Variants in PLCG1 observed in about 807,000 individuals in gnomAD.
PLCG1 encodes the protein 1-phosphatidylinositol 4,5-bisphosphate phosphodiesterase gamma-1.
In PLCG1, 71 loss-of-function variants were observed where a neutral mutation model predicts 177.8. The ratio of observed to expected loss-of-function variants is 0.40; its 90% confidence interval spans 0.33 to 0.49. The LOEUF (loss-of-function observed/expected upper bound fraction) is 0.49, where lower values mean the gene tolerates loss of function less well. Among genes scored for constraint, PLCG1 ranks in the 20% least tolerant of loss-of-function variants. The probability of loss-of-function intolerance (pLI) is 0.72; values close to 1 mark genes in which losing one functional copy is unlikely to be tolerated. For synonymous variants in PLCG1, 658 were observed against 647.9 expected, an observed-to-expected ratio of 1.02 and a Z score of -0.24; for missense variants, 1,281 against 1,709.0, an observed-to-expected ratio of 0.75 and a Z score of 4.42.
chr20:41,140,941 C>T (rs111399735), intron 1 of PLCG1, among the ~76,000 whole-genome samples: 10 of 152,324 alleles, frequency 6.6e-5, no homozygotes, highest in African/African-American at 2.2e-4. Flanking sequence ...GGCTGACTAG[C>T]AACCCCAAGC....
rs766900414 is a variant in PLCG1, at chr20:41,173,411, T to C, written c.3280-9T>C. 1.3e-5 allele frequency: 21 copies of C among 1,577,146 alleles called. No homozygotes were observed. The highest frequency in any genetic ancestry group is 1.7e-5 in the Non-Finnish European group (20 of 1,160,694). ...GGACAATCCCAGGCCCTTCTTTGTCTGCCTACAGGTGCTGGGGGCCCGACA... is the reference window on the plus strand; with the variant it reads ...GGACAATCCCAGGCCCTTCTTTGTCCGCCTACAGGTGCTGGGGGCCCGACA... On this transcript the variant is annotated splice_polypyrimidine_tract_variant and intron_variant, in intron 27 of 31. Coordinates refer to ENST00000685551, the MANE Select transcript of PLCG1 (RefSeq NM_002660.3). This position sits in a 1 kb window ranked among gnomAD's most constrained non-coding sequence, Gnocchi z 6.2.
rs1009230292 is a variant in PLCG1, at chr20:41,153,890, C to T, written c.218-5716C>T. Among the ~76,000 whole-genome samples the T allele has an allele frequency of 6.6e-6, 1 of 152,144 alleles. No individual in the cohort carries two copies. The highest frequency in any genetic ancestry group is 2.4e-5 in the African/African-American group (1 of 41,418). ...CAGCCTGGGCAACAGAGCGAGACAC[C>T]CAGACCCAGAGAAATATTTCAGTGA... On this transcript the variant is annotated intron_variant, in intron 1 of 31. Coordinates refer to ENST00000685551, the MANE Select transcript of PLCG1 (RefSeq NM_002660.3). This position sits in a 1 kb window ranked among gnomAD's most constrained non-coding sequence, Gnocchi z 5.1.
Position 41,166,516 on chromosome 20 carries a change from A to T in PLCG1, c.2041A>T (p.Met681Leu), listed in dbSNP as rs1568750067. The change falls in exon 18 of 32, where the codon ATG becomes TTG. Residue 681 changes from methionine (M) to leucine (L), a missense_variant. By Grantham distance (15) the Met-to-Leu change is conservative. Around this residue, in one of 4 missense-constraint regions of PLCG1, gnomAD observed 723 missense variants for 1,030.0 expected, o/e 0.70. Transcript: ENST00000685551. The surrounding 1 kb of genome is among the most constrained non-coding windows in gnomAD (Gnocchi z 8.6). ...ASLTRAQAEH[M>L]LMRVPRDGAF... The stretch of plus-strand genomic sequence containing the variant: ...CCTGACCAGAGCACAGGCTGAGCAC[A>T]TGCTAATGCGCGTCCCTCGTGATGG... 6.2e-7 allele frequency: 1 copy of T among 1,614,016 alleles called. No homozygotes were observed. Among genetic ancestry groups the T allele is most frequent in the Admixed American group, 1.7e-5 (1 of 60,014 alleles).
chr20:41,160,778 A>G lies in PLCG1; in HGVS notation c.512+625A>G, dbSNP rs571706762. Among the ~76,000 whole-genome samples, 1 of 152,344 alleles carries G rather than the reference A, an allele frequency of 6.6e-6. No individual in the cohort carries two copies. Among genetic ancestry groups the G allele is most frequent in the South Asian group, 2.1e-4 (1 of 4,824 alleles). On this transcript the variant is annotated intron_variant, in intron 4 of 31. Transcript: ENST00000685551. The surrounding 1 kb of genome is among the most constrained non-coding windows in gnomAD (Gnocchi z 5.5). ...CATGTTGTATTTTGAAGATAGCGCC[A>G]GAAAGAATGTCCTTAACAGATTGAT... is the stretch of plus-strand genomic sequence containing the variant.
chr20:41,169,636 C>A, intron 23 of PLCG1, 110 bp downstream of exon 23: 1 of 844,208 alleles, frequency 1.2e-6, no homozygotes, highest in Non-Finnish European at 2.0e-6. Context: ...CAAAGTCTGC[C>A]CTCACTCCAA....
At position 41,162,235 on chromosome 20, in the gene PLCG1, G is replaced by GTTTTTTTTTTTTTTTTT. The variant is rs11426520; in HGVS notation, c.513-213_513-197dup. The GTTTTTTTTTTTTTTTTT allele has an allele frequency of 3.1e-4, 44 of 143,642 alleles. 2 individuals are homozygous for GTTTTTTTTTTTTTTTTT. Among genetic ancestry groups the GTTTTTTTTTTTTTTTTT allele is most frequent in the East Asian group, 1.0e-3 (5 of 4,810 alleles). The allele number at this position is 143,642 out of a possible 1,614,324, so 8.9% of individuals were successfully genotyped here. The stretch of plus-strand genomic sequence containing the variant: ...GGTTTTTTTTGTTTGTTTTGTTTTT[G>GTTTTTTTTTTTTTTTTT]TTTTTTTTTTTTTTTTTTTTGCTCA... On this transcript the variant is annotated intron_variant, in intron 4 of 31. Transcript: ENST00000685551.
At chr20:41,138,621 GC>G (rs2034699800) in intron 1 of PLCG1, among the ~76,000 whole-genome samples, 1 of 152,030 alleles carries the variant, frequency 6.6e-6, no homozygotes, top group Non-Finnish European at 1.5e-5. Context: ...ATAAAGGCCT[GC>G]CCCAGCGCCT....
chr20:41,137,567 A>AGCCTC lies in PLCG1; in HGVS notation c.-75_-74insGCCTC, dbSNP rs2034636650. On this transcript the variant is annotated 5_prime_UTR_variant, in exon 1 of 32. Transcript: ENST00000685551. The surrounding 1 kb of genome is among the most constrained non-coding windows in gnomAD (Gnocchi z 7.3). Reference sequence around the variant, plus strand: ...CGTCTGCCGCCTCAGCCTCAGCCCCAACCTCAGCCGCCGCCGTTGCGCTTG... The same window carrying AGCCTC: ...CGTCTGCCGCCTCAGCCTCAGCCCCAGCCTCACCTCAGCCGCCGCCGTTGCGCTTG... 5 of 907,552 alleles carry AGCCTC rather than the reference A, an allele frequency of 5.5e-6. No individual in the cohort carries two copies. The highest frequency in any genetic ancestry group is 8.9e-5 in the Admixed American group (2 of 22,466). 56.2% of individuals were successfully genotyped at this position (907,552 alleles called of 1,614,324 possible).
In PLCG1 at chr20:41,174,499, A is replaced by C. The variant is rs1458010026; in HGVS notation, c.3866A>C (p.Asn1289Thr). 1 of 1,582,034 alleles carries C rather than the reference A, an allele frequency of 6.3e-7. No individual in the cohort carries two copies. The highest frequency in any genetic ancestry group is 1.1e-5 in the South Asian group (1 of 87,382). Residue 1289 changes from asparagine to threonine, a missense_variant, in exon 32 of 32, where the codon AAC becomes ACC. Transcript: ENST00000685551. The surrounding 1 kb of genome is among the most constrained non-coding windows in gnomAD (Gnocchi z 5.8). ...APRRTRVNGD[N>T]RL ...AGAAGGACTCGGGTCAATGGAGACAACCGCCTCTAGTTGTACCCCAGCCTC... is the reference window on the plus strand; with the variant it reads ...AGAAGGACTCGGGTCAATGGAGACACCCGCCTCTAGTTGTACCCCAGCCTC...
At position 41,164,223 on chromosome 20, in the gene PLCG1, C is replaced by T. The variant is rs777964278; in HGVS notation, c.1217+22C>T. The T allele has an allele frequency of 2.5e-6, 4 of 1,613,322 alleles. No homozygotes were observed. The South Asian group carries it at 4.4e-5, about 18-fold the overall frequency. On this transcript the variant is annotated intron_variant, in intron 12 of 31. Coordinates refer to ENST00000685551, the MANE Select transcript of PLCG1 (RefSeq NM_002660.3). The surrounding 1 kb of genome is among the most constrained non-coding windows in gnomAD (Gnocchi z 6.4). Reference sequence around the variant, plus strand: ...CAGAGTGAGTCGGAGGCTGGATGACCCAGGGGTTAACTTGGCTCCAGGTCT... The same window carrying T: ...CAGAGTGAGTCGGAGGCTGGATGACTCAGGGGTTAACTTGGCTCCAGGTCT...
At position 41,173,047 on chromosome 20, in the gene PLCG1, G is replaced by A. The variant is rs77837298; in HGVS notation, c.3279+170G>A. Among the ~76,000 whole-genome samples, 552 of 152,304 alleles carry A rather than the reference G, an allele frequency of 3.6e-3. 5 individuals are homozygous for A. Among genetic ancestry groups the A allele is most frequent in the African/African-American group, 0.013 (528 of 41,552 alleles). On this transcript the variant is annotated intron_variant, in intron 27 of 31. Transcript: ENST00000685551. The surrounding 1 kb of genome is among the most constrained non-coding windows in gnomAD (Gnocchi z 6.2). Reference sequence around the variant, plus strand: ...TGAAGATAGCATGCAGTCACTGTATGCATCTAGGACGTGCAGAGCCATGGT... The same window carrying A: ...TGAAGATAGCATGCAGTCACTGTATACATCTAGGACGTGCAGAGCCATGGT...
chr20:41,145,724 G>T (rs1446347465), intron 1 of PLCG1, among the ~76,000 whole-genome samples: 1 of 152,176 alleles, frequency 6.6e-6, no homozygotes, highest in Non-Finnish European at 1.5e-5. Flanking sequence ...TGTGAGAAGG[G>T]GTTGGTCCCC....
At position 41,177,233 on chromosome 20, in the gene PLCG1, C is replaced by G. The variant is rs1233724832; in HGVS notation, c.*2724C>G. 1 of 152,224 alleles carries G rather than the reference C, an allele frequency of 6.6e-6. No individual in the cohort carries two copies. The highest frequency in any genetic ancestry group is 2.4e-5 in the African/African-American group (1 of 41,456). The allele number at this position is 152,224 out of a possible 1,614,324, so 9.4% of individuals were successfully genotyped here. A position where few individuals can be genotyped will look rare whatever the true frequency, so the allele number is the denominator to read the frequency against. ...GTAGACTGGGTTCAAAGTGACAGAC[C>G]TTTCACTTTCAACAGCTTTGGCTCA... On this transcript the variant is annotated 3_prime_UTR_variant, in exon 32 of 32. Coordinates refer to ENST00000685551, the MANE Select transcript of PLCG1 (RefSeq NM_002660.3).
rs1325917136 is a variant in PLCG1, at chr20:41,163,103, A to C, written c.717-100A>C. 6.7e-7 allele frequency: 1 copy of C among 1,496,542 alleles called. No homozygotes were observed. Among genetic ancestry groups the C allele is most frequent in the Non-Finnish European group, 9.3e-7 (1 of 1,077,690 alleles). 92.7% of individuals were successfully genotyped at this position (1,496,542 alleles called of 1,614,324 possible). A position where few individuals can be genotyped will look rare whatever the true frequency, so the allele number is the denominator to read the frequency against. ...TGGGAGTAGGGAACCATGCTGGACC[A>C]TTCTGGGAAGCTGTGCTGGCTGGGA... On this transcript the variant is annotated intron_variant, in intron 7 of 31. Transcript: ENST00000685551. This position sits in a 1 kb window ranked among gnomAD's most constrained non-coding sequence, Gnocchi z 5.2.
rs1427683177 is a variant in PLCG1, at chr20:41,150,949, T to C, written c.218-8657T>C. 6.6e-6 allele frequency among the ~76,000 whole-genome samples: 1 copy of C among 152,226 alleles called. No homozygotes were observed. Among genetic ancestry groups the C allele is most frequent in the Non-Finnish European group, 1.5e-5 (1 of 68,024 alleles). ...CAAAGGCAGGAACTCAAATGCCTTA[T>C]TGATCTCTGTTTCCCTAGGACCCAG... On this transcript the variant is annotated intron_variant, in intron 1 of 31. Transcript: ENST00000685551. The surrounding 1 kb of genome is among the most constrained non-coding windows in gnomAD (Gnocchi z 4.0).
chr20:41,165,365 C>T lies in PLCG1; in HGVS notation c.1507C>T (p.His503Tyr), dbSNP rs868442604. 2 of 1,614,044 alleles carry T rather than the reference C, an allele frequency of 1.2e-6. No homozygotes were observed. Among genetic ancestry groups the T allele is most frequent in the Admixed American group, 1.7e-5 (1 of 60,010 alleles). The stretch of plus-strand genomic sequence containing the variant: ...CCTCTACCTGGAGGACCCTGTGAAC[C>T]ACGTGAGGACTGGGCCAGGCTGGGG... ...GILYLEDPVN[H>Y]EWYPHYFVLT... Residue 503 changes from histidine (H) to tyrosine (Y), a missense_variant and splice_region_variant, in exon 14 of 32, where the codon CAC (histidine) becomes TAC (tyrosine). His to Tyr is a moderately conservative substitution (Grantham distance 83, BLOSUM62 2). Coordinates refer to ENST00000685551, the MANE Select transcript of PLCG1 (RefSeq NM_002660.3). The surrounding 1 kb of genome is among the most constrained non-coding windows in gnomAD (Gnocchi z 6.6).
rs1302189548 is a variant in PLCG1 at position 41,137,956 on chromosome 20, G to A, written c.217+98G>A. ...CCCGGCCGGCCGCCCCAGCGACTTG[G>A]GCAAACTTTCGGGCCCTCCCAGACT... On this transcript the variant is annotated intron_variant, in intron 1 of 31. Transcript: ENST00000685551. This position sits in a 1 kb window ranked among gnomAD's most constrained non-coding sequence, Gnocchi z 7.3. 2 of 893,080 alleles carry A rather than the reference G, an allele frequency of 2.2e-6. No individual in the cohort carries two copies. The highest frequency in any genetic ancestry group is 8.6e-5 in the Admixed American group (2 of 23,224). The allele number at this position is 893,080 out of a possible 1,614,324, so 55.3% of individuals were successfully genotyped here.
chr20:41,143,118 G>A (rs1223509732), intron 1 of PLCG1, among the ~76,000 whole-genome samples: 15 of 152,214 alleles, frequency 9.9e-5, no homozygotes, highest in South Asian at 2.1e-4. Context: ...CTTCTGTAGA[G>A]TGAAGGTATG....
In PLCG1 at chr20:41,173,303, C is replaced by CG; in HGVS notation, c.3280-112dup. ...GTGAGGGACTCCATGGGCAGTGTCC[C>CG]GGGGGCCCAGCAGAGGGCGCGCTGC... On this transcript the variant is annotated intron_variant, in intron 27 of 31. Coordinates refer to ENST00000685551, the MANE Select transcript of PLCG1 (RefSeq NM_002660.3). This position sits in a 1 kb window ranked among gnomAD's most constrained non-coding sequence, Gnocchi z 6.2. The CG allele has an allele frequency of 9.4e-7, 1 of 1,069,328 alleles. No individual in the cohort carries two copies. The highest frequency in any genetic ancestry group is 1.3e-6 in the Non-Finnish European group (1 of 752,512). 66.2% of individuals were successfully genotyped at this position (1,069,328 alleles called of 1,614,324 possible).
Sources: gnomAD v4.1 joint callset for allele counts (sites outside exome capture counted in the v4.1 genomes callset) on GRCh38, gnomAD v4.1.1 for gene constraint, gnomAD v4.1.1 regional missense constraint, Gnocchi (gnomAD v3.1) non-coding constraint, MANE v1.5 for transcripts, NCBI Gene and HGNC (gene_info 2026-07-23, HGNC 2026-07-21) for gene names.